PKP4: variants seen among roughly 807,000 people sequenced by gnomAD.
PKP4 encodes plakophilin-4.
In PKP4, 90 loss-of-function variants were observed where a neutral mutation model predicts 145.1. The ratio of observed to expected loss-of-function variants is 0.62; its 90% CI spans 0.52 to 0.74. The LOEUF (loss-of-function observed/expected upper bound fraction) is 0.74, where lower values mean the gene tolerates loss of function less well. PKP4 is among the 30% of genes least tolerant of loss of function. The probability of loss-of-function intolerance (pLI) is 0.00; values close to 1 mark genes in which losing one functional copy is unlikely to be tolerated. For missense variants in PKP4, 1,340 were observed against 1,482.7 expected, an observed-to-expected ratio of 0.90 and a Z score of 1.58; for synonymous variants, 563 against 577.2, an observed-to-expected ratio of 0.98 and a Z score of 0.35.
At chr2:158,596,678 G>A (rs1463699796) in intron 3 of PKP4, among the ~76,000 whole-genome samples, 1 of 151,790 alleles carries the variant, frequency 6.6e-6, no homozygotes, top group Non-Finnish European at 1.5e-5. Flanking sequence ...ACTATGGTGT[G>A]ACAGTGAAAG....
In PKP4 at chr2:158,621,127, T is replaced by C; in HGVS notation, c.412+6T>C. On this transcript the variant is annotated splice_donor_region_variant and intron_variant, in intron 5 of 21. Coordinates refer to ENST00000389759, the MANE Select transcript of PKP4 (RefSeq NM_003628.6). ...ATCTCTCCATGAAAGTGAGGGTCTG[T>C]TGTGTTATCTTTTAAGTACTGGATT... 1 of 1,614,154 alleles carries C rather than the reference T, an allele frequency of 6.2e-7. No homozygotes were observed. Among genetic ancestry groups the C allele is most frequent in the Non-Finnish European group, 8.5e-7 (1 of 1,179,996 alleles).
At position 158,533,285 on chromosome 2, in the gene PKP4, C is replaced by T; in HGVS notation, c.101C>T (p.Ala34Val). Residue 34 changes from alanine (A) to valine (V), a missense_variant, in exon 2 of 22, where the codon GCC (alanine) becomes GTC (valine). Transcript: ENST00000389759. ...CCAGGCATGGAACCCGAGACCACAG[C>T]CACCACTATTCTAGCATCCGTGAAG... ...TGPGMEPETT[A>V]TTILASVKEQ... 1 of 1,614,116 alleles carries T rather than the reference C, an allele frequency of 6.2e-7. No individual in the cohort carries two copies. Among genetic ancestry groups the T allele is most frequent in the Non-Finnish European group, 8.5e-7 (1 of 1,180,006 alleles).
At chr2:158,515,608 C>G (rs1300426977) in intron 1 of PKP4, among the ~76,000 whole-genome samples, 5 of 152,144 alleles carry the variant, frequency 3.3e-5, no homozygotes, top group Admixed American at 6.5e-5. Context: ...AGATAAACAT[C>G]ATTGGAAAAG....
chr2:158,500,542 C>T (rs1696397848), intron 1 of PKP4, among the ~76,000 whole-genome samples: 1 of 152,198 alleles, frequency 6.6e-6, no homozygotes, highest in South Asian at 2.1e-4. Flanking sequence ...GCAGCAATGC[C>T]TTGTAAAAAT....
chr2:158,567,141 C>G (rs1167775383), intron 2 of PKP4, among the ~76,000 whole-genome samples: 1 of 152,052 alleles, frequency 6.6e-6, no homozygotes, highest in East Asian at 1.9e-4. Context: ...TTGCAAAGAG[C>G]TGGAGAGATA....
intron 1 of PKP4, among the ~76,000 whole-genome samples, chr2:158,470,335 A>G (rs558852624): frequency 6.6e-6 from 1 of 152,274 alleles, no homozygotes. Flanking sequence ...CGTTACAGTC[A>G]AACCTTAATT....
chr2:158,583,681 C>G (rs909854637), intron 3 of PKP4, among the ~76,000 whole-genome samples: 4 of 152,044 alleles, frequency 2.6e-5, no homozygotes, highest in African/African-American at 7.3e-5. Flanking sequence ...AAAGAGGCAA[C>G]CACTTTTAAA....
chr2:158,525,550 A>G (rs1344410243), intron 1 of PKP4, among the ~76,000 whole-genome samples: 1 of 49,522 alleles, frequency 2.0e-5, no homozygotes, highest in Admixed American at 2.8e-4. Flanking sequence ...CAAAATTGAC[A>G]CCCTAACATC....
chr2:158,671,487 G>A (rs1291369929), intron 17 of PKP4, among the ~76,000 whole-genome samples: 1 of 152,218 alleles, frequency 6.6e-6, no homozygotes, highest in African/African-American at 2.4e-5. Context: ...CTGAGATGCT[G>A]AGCCAGTGCC....
chr2:158,608,103 C>A (rs143303941), intron 4 of PKP4, among the ~76,000 whole-genome samples: 167 of 152,252 alleles, frequency 1.1e-3, no homozygotes, highest in African/African-American at 3.8e-3. Flanking sequence ...GGGATAGATA[C>A]ACTATTCTCC....
At chr2:158,641,331 C>CAAAAA (rs33990329) in intron 10 of PKP4, among the ~76,000 whole-genome samples, 1 of 138,792 alleles carries the variant, frequency 7.2e-6, no homozygotes. Context: ...GACTCTGTCT[C>CAAAAA]AAAAAAAAAA....
At chr2:158,656,512 G>A (rs1360390114) in intron 11 of PKP4, among the ~76,000 whole-genome samples, 8 of 152,254 alleles carry the variant, frequency 5.3e-5, no homozygotes, top group South Asian at 2.1e-4. Flanking sequence ...TCTCCCGCCC[G>A]TCCTGTGTCC....
intron 8 of PKP4, 52 bp from the exon 9 acceptor site, chr2:158,634,018 G>A (rs941973288): frequency 2.1e-6 from 2 of 974,456 alleles, no homozygotes; most frequent in Non-Finnish European, 3.2e-6. Flanking sequence ...TTTAATTAAA[G>A]TGTGATCTCA....
intron 2 of PKP4, among the ~76,000 whole-genome samples, chr2:158,554,520 G>T (rs1025770691): frequency 1.3e-5 from 2 of 151,214 alleles, no homozygotes; most frequent in African/African-American, 4.9e-5. Flanking sequence ...CCGCCTTCCA[G>T]GTTCACACCA....
chr2:158,650,961 G>A (rs1208855631), intron 11 of PKP4, among the ~76,000 whole-genome samples: 2 of 152,128 alleles, frequency 1.3e-5, no homozygotes, highest in Non-Finnish European at 2.9e-5. Context: ...TGCATGGAGG[G>A]GTCACTGCAC....
At chr2:158,662,755 C>T (rs1036274082) in intron 13 of PKP4, 142 bp from the exon 14 acceptor site, 1 of 622,792 alleles carries the variant, frequency 1.6e-6, no homozygotes, top group Non-Finnish European at 2.7e-6. Context: ...ATAATTCTCT[C>T]TTCAGATTGT....
intron 4 of PKP4, among the ~76,000 whole-genome samples, chr2:158,615,167 C>T (rs911914709): frequency 6.6e-6 from 1 of 152,062 alleles, no homozygotes; most frequent in African/African-American, 2.4e-5. Context: ...GTATCTCCCA[C>T]TGACAGATAT....
At chr2:158,554,182 C>G (rs758978440) in intron 2 of PKP4, among the ~76,000 whole-genome samples, 1 of 150,134 alleles carries the variant, frequency 6.7e-6, no homozygotes, top group Non-Finnish European at 1.5e-5. Context: ...TCCTGACATT[C>G]AGTAGCCTTC....
Position 158,533,771 on chromosome 2 carries a change from G to T in PKP4, c.132+455G>T, listed in dbSNP as rs139850694. 6.3e-3 allele frequency among the ~76,000 whole-genome samples: 963 copies of T among 152,270 alleles called. 6 individuals carry two copies. The highest frequency in any genetic ancestry group is 0.034 in the Middle Eastern group (10 of 294). On this transcript the variant is annotated intron_variant, in intron 2 of 21. Coordinates refer to ENST00000389759, the MANE Select transcript of PKP4 (RefSeq NM_003628.6). ...TATTTGTGTGTTTGTCTAAATTTAA[G>T]TATATTCATTTTGTGAGCTAATGTT...
Sources: allele counts gnomAD v4.1 joint callset (sites outside exome capture counted in the v4.1 genomes callset), GRCh38; gene constraint gnomAD v4.1.1; transcripts MANE v1.5; gene names NCBI Gene and HGNC (gene_info 2026-07-23, HGNC 2026-07-21).